Variants in FAM149A observed in about 807,000 individuals in gnomAD.
FAM149A encodes the protein family with sequence similarity 149 member A.
FAM149A carries 71 observed loss-of-function variants against 78.2 expected under a neutral mutation model. The observed-to-expected ratio is 0.91, with a 90% CI of 0.75 to 1.11. The LOEUF (loss-of-function observed/expected upper bound fraction) is 1.11. Ranked by LOEUF, FAM149A falls within the 50% of genes least tolerant of loss-of-function variation. FAM149A has a pLI of 0.00. For synonymous variants in FAM149A, 446 were observed against 410.5 expected (o/e 1.09, Z -1.04); for missense variants, 1,036 against 971.0 (o/e 1.07, Z -0.89).
At chr4:186,140,253 TACTA>T (rs569305428) in intron 1 of FAM149A, among the ~76,000 whole-genome samples, 3 of 152,290 alleles carry the variant, frequency 2.0e-5, no homozygotes, top group African/African-American at 7.2e-5. Flanking sequence ...TATCTTATAT[TACTA>T]ATTAATTTTC....
chr4:186,138,283 A>G (rs2099324360), intron 1 of FAM149A, among the ~76,000 whole-genome samples: 2 of 152,116 alleles, frequency 1.3e-5, no homozygotes, highest in African/African-American at 4.8e-5. Context: ...GAAGAGGGAG[A>G]GAGATTTTTT....
chr4:186,105,461 C>G lies in FAM149A; in HGVS notation c.385C>G (p.Pro129Ala). The change falls in exon 1 of 14, where the codon CCG becomes GCG. Residue 129 changes from proline to alanine, a missense_variant. This residue lies in a region of FAM149A where 316 missense variants were observed against 241.9 expected (regional missense o/e 1.31). Transcript: ENST00000389354. ...TGCTCGCCTGGTGGTCCCAGCGCGG[C>G]CGCCCTCGGGCCCCGGCGGGGTCTG... 8.2e-7 allele frequency: 1 copy of G among 1,214,912 alleles called. No individual in the cohort carries two copies. The highest frequency in any genetic ancestry group is 3.1e-5 in the Admixed American group (1 of 31,784). The allele number at this position is 1,214,912 out of a possible 1,614,324, so 75.3% of individuals were successfully genotyped here.
chr4:186,120,656 T>A (rs2099315605), intron 1 of FAM149A, among the ~76,000 whole-genome samples: 1 of 150,164 alleles, frequency 6.7e-6, no homozygotes, highest in Admixed American at 6.6e-5. Flanking sequence ...TAGCCAGGCA[T>A]GGTGGTGCGT....
chr4:186,148,999 GGTGTGTGT>G (rs70964919), intron 1 of FAM149A, among the ~76,000 whole-genome samples, 166 bp from the exon 2 acceptor site: 46 of 147,932 alleles, frequency 3.1e-4, no homozygotes, highest in South Asian at 6.5e-4. Context: ...ATCAGGATGG[GGTGTGTGT>G]GTGTGTGTGT....
At chr4:186,108,282 C>T (rs1459188357) in intron 1 of FAM149A, among the ~76,000 whole-genome samples, 2 of 152,090 alleles carry the variant, frequency 1.3e-5, no homozygotes, top group Non-Finnish European at 2.9e-5. Context: ...AACCGTAAAC[C>T]TGTCTGCAAG....
intron 1 of FAM149A, chr4:186,146,484 C>T (rs1194418841): frequency 2.0e-6 from 2 of 985,300 alleles, no homozygotes; most frequent in East Asian, 1.1e-4. Flanking sequence ...TGAGTTCCTC[C>T]GTTTTGTAAA....
rs770098590 is a variant in FAM149A at position 186,172,214 on chromosome 4, G to A, written c.*227G>A. ...TTGCTGAAAGCATCTCCAAGGTTCT[G>A]TAGGCTTTGTTCAGAAGCCCCTGAT... On this transcript the variant is annotated 3_prime_UTR_variant, in exon 14 of 14. Transcript: ENST00000389354. 1.9e-6 allele frequency: 1 copy of A among 519,434 alleles called. No individual in the cohort carries two copies. Among genetic ancestry groups the A allele is most frequent in the Non-Finnish European group, 3.1e-6 (1 of 317,586 alleles). 32.2% of individuals were successfully genotyped at this position (519,434 alleles called of 1,614,324 possible).
Position 186,164,462 on chromosome 4 carries a change from A to T in FAM149A, c.1889+829A>T. The T allele has an allele frequency of 1.0e-6, 1 of 985,434 alleles. No individual in the cohort carries two copies. Among genetic ancestry groups the T allele is most frequent in the Non-Finnish European group, 1.2e-6 (1 of 829,924 alleles). The allele number at this position is 985,434 out of a possible 1,614,324, so 61.0% of individuals were successfully genotyped here. On this transcript the variant is annotated intron_variant, in intron 10 of 13. Coordinates refer to ENST00000389354, the MANE Select transcript of FAM149A (RefSeq NM_001367768.3). The surrounding 1 kb of genome is among the most constrained non-coding windows in gnomAD (Gnocchi z 4.0). ...CCGAGCTCAGGAGCGGGCGGCTGCCAACGCTTACCTGGCACCCAGACTTTT... is the reference window on the plus strand; with the variant it reads ...CCGAGCTCAGGAGCGGGCGGCTGCCTACGCTTACCTGGCACCCAGACTTTT...
In FAM149A at chr4:186,157,553, CT is replaced by C; in HGVS notation, c.1421-11del. ...GATGTTTCTTGTAATATTGATTCTTCTGTTGACACAGAAGGGAAAAAACAGA... is the reference window on the plus strand; with the variant it reads ...GATGTTTCTTGTAATATTGATTCTTCGTTGACACAGAAGGGAAAAAACAGA... On this transcript the variant is annotated splice_polypyrimidine_tract_variant and intron_variant, in intron 7 of 13. Coordinates refer to ENST00000389354, the MANE Select transcript of FAM149A (RefSeq NM_001367768.3). The C allele has an allele frequency of 6.2e-7, 1 of 1,611,902 alleles. No individual in the cohort carries two copies. Among genetic ancestry groups the C allele is most frequent in the Non-Finnish European group, 8.5e-7 (1 of 1,178,068 alleles).
At chr4:186,161,915 ATTTAC>A (rs1157744475) in intron 8 of FAM149A, among the ~76,000 whole-genome samples, 3 of 152,172 alleles carry the variant, frequency 2.0e-5, no homozygotes, top group Non-Finnish European at 4.4e-5. Context: ...AAAATTTTTA[ATTTAC>A]TTTAAGTTCT....
intron 1 of FAM149A, among the ~76,000 whole-genome samples, chr4:186,148,220 A>C (rs1384655078): frequency 6.6e-6 from 1 of 152,152 alleles, no homozygotes; most frequent in Non-Finnish European, 1.5e-5. Context: ...CCAGCTACTC[A>C]GGAGGCTGAG....
chr4:186,165,021 C>T (rs1185177343), intron 10 of FAM149A, among the ~76,000 whole-genome samples: 4 of 152,102 alleles, frequency 2.6e-5, no homozygotes, highest in African/African-American at 9.7e-5. Flanking sequence ...GATGCTACCT[C>T]ACCTGTGTCC....
chr4:186,152,348 G>A (rs1056395528), intron 4 of FAM149A, among the ~76,000 whole-genome samples: 38 of 152,274 alleles, frequency 2.5e-4, no homozygotes, highest in South Asian at 4.2e-4. Flanking sequence ...CATTCACTGT[G>A]TGTGAGCAGC....
At chr4:186,142,904 G>A (rs2099326439) in intron 1 of FAM149A, among the ~76,000 whole-genome samples, 1 of 152,084 alleles carries the variant, frequency 6.6e-6, no homozygotes. Context: ...ATCTACATTT[G>A]GGGTGGTTTG....
At chr4:186,147,463 A>G (rs1036546449) in intron 1 of FAM149A, among the ~76,000 whole-genome samples, 1 of 152,226 alleles carries the variant, frequency 6.6e-6, no homozygotes, top group Admixed American at 6.5e-5. Context: ...GACACTTCAT[A>G]TACTTTATCT....
chr4:186,148,227 T>G (rs544746795), intron 1 of FAM149A, among the ~76,000 whole-genome samples: 78 of 152,304 alleles, frequency 5.1e-4, no homozygotes, highest in African/African-American at 1.8e-3. Context: ...CTCAGGAGGC[T>G]GAGGCAGGAG....
At chr4:186,158,144 C>G (rs911481292) in intron 8 of FAM149A, 1 of 1,286,664 alleles carries the variant, frequency 7.8e-7, no homozygotes, top group African/African-American at 1.5e-5. Context: ...GAACACTGGC[C>G]GGCAGGCTGT....
At chr4:186,117,663 A>C in intron 1 of FAM149A, 7 of 984,902 alleles carry the variant, frequency 7.1e-6, no homozygotes, top group Non-Finnish European at 7.2e-6. Context: ...AAAAGCGTTA[A>C]AACTAGGGAG....
intron 13 of FAM149A, 164 bp downstream of exon 13, chr4:186,167,426 G>C (rs1191001150): frequency 7.1e-6 from 5 of 700,082 alleles, no homozygotes; most frequent in South Asian, 5.9e-5. Flanking sequence ...CGATCACAGA[G>C]CACACCTGCA....
Sources: gnomAD v4.1 joint callset for allele counts (sites outside exome capture counted in the v4.1 genomes callset) on GRCh38, gnomAD v4.1.1 for gene constraint, gnomAD v4.1.1 regional missense constraint, Gnocchi (gnomAD v3.1) non-coding constraint, MANE v1.5 for transcripts, NCBI Gene and HGNC (gene_info 2026-07-23, HGNC 2026-07-21) for gene names.